The following C10orf90 variants were observed in gnomAD, a reference collection of about 807,000 sequenced individuals.
C10orf90 encodes (E2-independent) E3 ubiquitin-conjugating enzyme FATS.
In C10orf90, 56 loss-of-function variants were observed where a neutral mutation model predicts 62.5. That is an observed-to-expected ratio of 0.90 (90% CI 0.72 to 1.12). C10orf90 has a LOEUF of 1.12. Among genes scored for constraint, C10orf90 ranks in the 50% most tolerant of loss-of-function variants. C10orf90 has a pLI of 0.00. For synonymous variants in C10orf90, 386 were observed against 340.4 expected (o/e 1.13, Z -1.47); for missense variants, 970 against 880.4 (o/e 1.10, Z -1.29).
chr10:126,612,123 C>A (rs1410326554), intron 2 of C10orf90, among the ~76,000 whole-genome samples: 1 of 152,266 alleles, frequency 6.6e-6, no homozygotes, highest in South Asian at 2.1e-4. Flanking sequence ...GAGTTTAAGA[C>A]CAGCCTGACC....
At chr10:126,631,264 A>G (rs1049541357) in intron 2 of C10orf90, among the ~76,000 whole-genome samples, 3 of 151,738 alleles carry the variant, frequency 2.0e-5, no homozygotes, top group African/African-American at 7.3e-5. Flanking sequence ...TAGCTCTCCA[A>G]CTCGTTTTCC....
At chr10:126,507,273 C>T (rs1470578732) in intron 3 of C10orf90, among the ~76,000 whole-genome samples, 2 of 147,702 alleles carry the variant, frequency 1.4e-5, no homozygotes, top group Non-Finnish European at 3.0e-5. Flanking sequence ...AGGAGAATGG[C>T]GTGAACCCGA....
intron 2 of C10orf90, among the ~76,000 whole-genome samples, chr10:126,607,869 AG>A (rs1424582099): frequency 6.6e-6 from 1 of 152,214 alleles, no homozygotes; most frequent in Non-Finnish European, 1.5e-5. Flanking sequence ...ATTATGTTAC[AG>A]GAAATAAGCC....
intron 4 of C10orf90, among the ~76,000 whole-genome samples, chr10:126,477,695 A>G (rs1860962325): frequency 2.0e-5 from 3 of 152,266 alleles, no homozygotes; most frequent in South Asian, 2.1e-4. Context: ...TAAACATGCA[A>G]TGTTTCTAAA....
chr10:126,515,546 T>C (rs1012356392), intron 2 of C10orf90, among the ~76,000 whole-genome samples: 8 of 152,186 alleles, frequency 5.3e-5, no homozygotes, highest in Non-Finnish European at 7.3e-5. Flanking sequence ...AGGAACAATA[T>C]GCCATACCAT....
intron 2 of C10orf90, among the ~76,000 whole-genome samples, chr10:126,614,074 G>A (rs567757230): frequency 7.2e-5 from 11 of 152,256 alleles, no homozygotes; most frequent in African/African-American, 1.4e-4. Context: ...ATCTCCTTGC[G>A]TAGTGGGTCC....
intron 4 of C10orf90, among the ~76,000 whole-genome samples, chr10:126,488,538 C>T (rs886131610): frequency 5.9e-5 from 9 of 151,470 alleles, no homozygotes; most frequent in South Asian, 2.1e-4. Context: ...AGAAAATTGA[C>T]AAACAATAGA....
chr10:126,559,204 G>A (rs1027061391), intron 2 of C10orf90, among the ~76,000 whole-genome samples: 3 of 152,226 alleles, frequency 2.0e-5, no homozygotes, highest in Non-Finnish European at 4.4e-5. Context: ...TATTTTCAAT[G>A]TCACTCCTTA....
At chr10:126,560,093 A>G (rs1864866808) in intron 2 of C10orf90, among the ~76,000 whole-genome samples, 2 of 152,186 alleles carry the variant, frequency 1.3e-5, no homozygotes, top group Admixed American at 1.3e-4. Flanking sequence ...TCTGCTCTTA[A>G]CAATAAATAT....
intron 1 of C10orf90, among the ~76,000 whole-genome samples, chr10:126,647,958 T>G (rs577436525): frequency 6.6e-6 from 1 of 152,210 alleles, no homozygotes; most frequent in East Asian, 1.9e-4. Context: ...CCAAATGTTG[T>G]TTTTGTTACT....
intron 2 of C10orf90, among the ~76,000 whole-genome samples, chr10:126,566,156 C>T (rs1354520639): frequency 1.3e-5 from 2 of 152,152 alleles, no homozygotes; most frequent in Non-Finnish European, 2.9e-5. Flanking sequence ...AATTATTTCA[C>T]CTGATCCAAT....
At chr10:126,442,499 A>ATATATATATATATATATATATG (rs1171760972) in intron 7 of C10orf90, among the ~76,000 whole-genome samples, 35 of 111,844 alleles carry the variant, frequency 3.1e-4, no homozygotes, top group African/African-American at 1.2e-3. Context: ...ATATATATAT[A>ATATATATATATATATATATATG]TATATATATC....
At chr10:126,608,074 T>G (rs1200747371) in intron 2 of C10orf90, among the ~76,000 whole-genome samples, 1 of 152,212 alleles carries the variant, frequency 6.6e-6, no homozygotes, top group Non-Finnish European at 1.5e-5. Flanking sequence ...TGGTGGTCAA[T>G]GTTGCACAAC....
chr10:126,599,360 T>TC (rs1845150495), intron 2 of C10orf90, among the ~76,000 whole-genome samples: 1 of 149,302 alleles, frequency 6.7e-6, no homozygotes, highest in Admixed American at 6.6e-5. Context: ...TAATTTTTTG[T>TC]ATTTTTTTTT....
intron 4 of C10orf90, chr10:126,470,215 A>G: frequency 2.6e-6 from 1 of 382,064 alleles, no homozygotes; most frequent in East Asian, 7.3e-5. Context: ...AGGAGGAGGG[A>G]AGGCATTCTT....
At position 126,477,076 on chromosome 10, in the gene C10orf90, A is replaced by ATTTTTTT. The variant is rs551973906; in HGVS notation, c.1535-12097_1535-12091dup. ...AGGTGCCCAACATCACGCCTGGCTA[A>ATTTTTTT]TTTTTTTTTTTTTTTTTTTTTTTTT... On this transcript the variant is annotated intron_variant, in intron 4 of 9. Transcript: ENST00000488181. Among the ~76,000 whole-genome samples, 52 of 56,486 alleles carry ATTTTTTT rather than the reference A, an allele frequency of 9.2e-4. 9 individuals carry two copies. The highest frequency in any genetic ancestry group is 1.4e-3 in the Non-Finnish European group (43 of 30,888). 37.1% of individuals were successfully genotyped at this position (56,486 alleles called of 152,430 possible).
chr10:126,656,022 C>A (rs2133865004), intron 1 of C10orf90, among the ~76,000 whole-genome samples: 1 of 152,140 alleles, frequency 6.6e-6, no homozygotes, highest in Non-Finnish European at 1.5e-5. Flanking sequence ...TCGTGGCTGA[C>A]TTTCACACCT....
chr10:126,442,499 A>ATATATATATATATATG, intron 7 of C10orf90, among the ~76,000 whole-genome samples: 1 of 111,846 alleles, frequency 8.9e-6, no homozygotes, highest in African/African-American at 3.6e-5. Flanking sequence ...ATATATATAT[A>ATATATATATATATATG]TATATATATC....
At chr10:126,508,954 AC>A (rs1176893091) in intron 3 of C10orf90, among the ~76,000 whole-genome samples, 1 of 152,084 alleles carries the variant, frequency 6.6e-6, no homozygotes, top group African/African-American at 2.4e-5. Context: ...CTCTGACTAC[AC>A]GTCTGGACCG....
Sources: gnomAD v4.1 joint callset for allele counts (sites outside exome capture counted in the v4.1 genomes callset) on GRCh38, gnomAD v4.1.1 for gene constraint, MANE v1.5 for transcripts, NCBI Gene and HGNC (gene_info 2026-07-23, HGNC 2026-07-21) for gene names.